Variants in ODR4 observed in about 807,000 individuals in gnomAD.
ODR4 encodes the protein odr-4 GPCR localization factor homolog, also known as protein odr-4 homolog.
A neutral mutation model predicts 60.2 loss-of-function variants in ODR4; 47 were observed. The ratio of observed to expected loss-of-function variants is 0.78; its 90% CI spans 0.62 to 1.00. The LOEUF (loss-of-function observed/expected upper bound fraction) is 1.00, where lower values mean the gene tolerates loss of function less well. ODR4 is among the 50% of genes least tolerant of loss of function. ODR4 has a pLI of 0.00. For synonymous variants in ODR4, 178 were observed against 175.5 expected, an observed-to-expected ratio of 1.01 and a Z score of -0.11; for missense variants, 488 against 530.8, an observed-to-expected ratio of 0.92 and a Z score of 0.79.
intron 11 of ODR4, among the ~76,000 whole-genome samples, chr1:186,405,440 T>C (rs147897875): frequency 6.6e-6 from 1 of 152,294 alleles, no homozygotes; most frequent in Non-Finnish European, 1.5e-5. Context: ...AGAAGGACAA[T>C]AGTTTCTGAC....
downstream of ODR4, among the ~76,000 whole-genome samples, chr1:186,424,619 C>T (rs1051538311): frequency 2.6e-5 from 4 of 151,658 alleles, no homozygotes; most frequent in South Asian, 4.2e-4. Context: ...GGTGGTTTTG[C>T]GCCACATGAT....
At chr1:186,393,725 C>T (rs961453843) in intron 8 of ODR4, among the ~76,000 whole-genome samples, 5 of 152,114 alleles carry the variant, frequency 3.3e-5, no homozygotes, top group African/African-American at 1.2e-4. Context: ...CAGTGGTTTG[C>T]CAGTTGTTGC....
At chr1:186,404,489 A>G (rs1451855110) in intron 11 of ODR4, among the ~76,000 whole-genome samples, 1 of 152,218 alleles carries the variant, frequency 6.6e-6, no homozygotes, top group Admixed American at 6.5e-5. Context: ...CCAATTGCAC[A>G]TGCACATTAG....
chr1:186,401,498 T>TTC (rs148470500), intron 11 of ODR4: 150 of 198,130 alleles, frequency 7.6e-4, no homozygotes, highest in East Asian at 1.5e-3. Flanking sequence ...CTTTCTTTCT[T>TTC]TCTCTCTCTC....
At chr1:186,396,946 T>C (rs1386644472) in intron 9 of ODR4, among the ~76,000 whole-genome samples, 1 of 152,188 alleles carries the variant, frequency 6.6e-6, no homozygotes, top group Non-Finnish European at 1.5e-5. Flanking sequence ...CCCCACCTTA[T>C]TGATGTATCA....
rs1412020630 is a variant in ODR4 at position 186,419,396 on chromosome 1, C to G, written c.*320C>G. 3.2e-6 allele frequency: 1 copy of G among 310,292 alleles called. No homozygotes were observed. The highest frequency in any genetic ancestry group is 6.1e-6 in the Non-Finnish European group (1 of 163,630). 19.2% of individuals were successfully genotyped at this position (310,292 alleles called of 1,614,324 possible). A position where few individuals can be genotyped will look rare whatever the true frequency, so the allele number is the denominator to read the frequency against. On this transcript the variant is annotated 3_prime_UTR_variant, in exon 14 of 14. Coordinates refer to ENST00000287859, the MANE Select transcript of ODR4 (RefSeq NM_017847.6). ...AGATTTTAGTCTTACTAATCTGAAT[C>G]ACATATTAATCAGGACATTAAAAAC...
intron 9 of ODR4, among the ~76,000 whole-genome samples, chr1:186,395,356 G>A (rs1220792316): frequency 6.6e-6 from 1 of 152,104 alleles, no homozygotes; most frequent in East Asian, 1.9e-4. Flanking sequence ...GCCTCCCAAA[G>A]TGCTGGGATT....
chr1:186,394,027 A>T lies in ODR4; in HGVS notation c.780+12A>T, dbSNP rs1297130454. ...TGCTAACGCAGTTGGTAAATATTTT[A>T]AAATAACACTTAAAATATTTATTAG... On this transcript the variant is annotated intron_variant, in intron 9 of 13. Transcript: ENST00000287859. 1.5e-6 allele frequency: 2 copies of T among 1,301,660 alleles called. No individual in the cohort carries two copies. Among genetic ancestry groups the T allele is most frequent in the Middle Eastern group, 1.8e-4 (1 of 5,502 alleles). The allele number at this position is 1,301,660 out of a possible 1,614,324, so 80.6% of individuals were successfully genotyped here.
At chr1:186,396,898 A>C (rs1193636681) in intron 9 of ODR4, among the ~76,000 whole-genome samples, 2 of 152,310 alleles carry the variant, frequency 1.3e-5, no homozygotes, top group East Asian at 3.9e-4. Context: ...ATAAAAAGTT[A>C]TGGAGTAGAT....
chr1:186,379,684 T>A, intron 1 of ODR4, 83 bp from the exon 2 acceptor site: 2 of 708,920 alleles, frequency 2.8e-6, no homozygotes, highest in Non-Finnish European at 2.4e-6. Context: ...TAGTATCACT[T>A]CTCTTGCTAA....
the ODR4 span, among the ~76,000 whole-genome samples, chr1:186,433,541 T>C: frequency 1.3e-5 from 2 of 152,302 alleles, no homozygotes; most frequent in Admixed American, 6.5e-5. Context: ...GAAAAGTGGC[T>C]ACTTTACTAA....
At chr1:186,415,049 A>G (rs1661511168) in intron 12 of ODR4, among the ~76,000 whole-genome samples, 1 of 152,100 alleles carries the variant, frequency 6.6e-6, no homozygotes, top group Admixed American at 6.5e-5. Context: ...GACAGTTCAT[A>G]AGAATTTGTT....
At chr1:186,429,325 A>G in the ODR4 span, among the ~76,000 whole-genome samples, 1 of 152,334 alleles carries the variant, frequency 6.6e-6, no homozygotes, top group African/African-American at 2.4e-5. Flanking sequence ...AAGAGTTACC[A>G]ATATGTGATA....
chr1:186,402,075 C>T (rs1406255033), intron 11 of ODR4, among the ~76,000 whole-genome samples: 3 of 151,566 alleles, frequency 2.0e-5, no homozygotes, highest in African/African-American at 7.3e-5. Flanking sequence ...GTCTTCTTTT[C>T]TCTCTCTCTC....
At chr1:186,393,431 C>T (rs1370445713) in intron 8 of ODR4, among the ~76,000 whole-genome samples, 1 of 152,224 alleles carries the variant, frequency 6.6e-6, no homozygotes, top group African/African-American at 2.4e-5. Context: ...GATGACAGTT[C>T]AAAAGCTATG....
intron 4 of ODR4, among the ~76,000 whole-genome samples, chr1:186,387,033 T>C (rs1206142603): frequency 6.6e-6 from 1 of 152,130 alleles, no homozygotes; most frequent in Non-Finnish European, 1.5e-5. Flanking sequence ...GGGTATTTCA[T>C]ACCCCAAAAG....
chr1:186,414,825 A>G (rs1312214033), intron 12 of ODR4, among the ~76,000 whole-genome samples: 2 of 152,146 alleles, frequency 1.3e-5, no homozygotes, highest in Non-Finnish European at 2.9e-5. Flanking sequence ...CGGCCAAAAA[A>G]TACCTTTTTA....
chr1:186,424,986 ACC>A (rs1206700622), downstream of ODR4, among the ~76,000 whole-genome samples: 1 of 147,640 alleles, frequency 6.8e-6, no homozygotes, highest in Non-Finnish European at 1.5e-5. Context: ...AAAAAAAAAA[ACC>A]CCTTTTTGAT....
intron 1 of ODR4, among the ~76,000 whole-genome samples, chr1:186,376,601 T>C (rs1324299947): frequency 2.0e-5 from 3 of 152,212 alleles, no homozygotes; most frequent in African/African-American, 7.2e-5. Flanking sequence ...GTCTAAGAAA[T>C]ATAAATGGAA....
Sources: allele counts gnomAD v4.1 joint callset (sites outside exome capture counted in the v4.1 genomes callset), GRCh38; gene constraint gnomAD v4.1.1; transcripts MANE v1.5; gene names NCBI Gene and HGNC (gene_info 2026-07-23, HGNC 2026-07-21).